TNRC6B: variants seen among roughly 807,000 people sequenced by gnomAD.
The protein encoded by TNRC6B is trinucleotide repeat-containing gene 6B protein.
A neutral mutation model predicts 203.6 loss-of-function variants in TNRC6B; 52 were observed. The observed-to-expected ratio is 0.26, with a 90% CI of 0.20 to 0.32. The LOEUF is 0.32. Ranked by LOEUF, TNRC6B falls within the 10% of genes least tolerant of loss-of-function variation. The probability of loss-of-function intolerance (pLI) is 1.00; values close to 1 mark genes in which losing one functional copy is unlikely to be tolerated. For missense variants in TNRC6B, 1,923 were observed against 2,286.2 expected (o/e 0.84, Z 3.24); for synonymous variants, 838 against 845.7 (o/e 0.99, Z 0.16).
At chr22:40,242,794 C>A (rs551779756) in intron 1 of TNRC6B, among the ~76,000 whole-genome samples, 5 of 152,090 alleles carry the variant, frequency 3.3e-5, no homozygotes, top group Non-Finnish European at 5.9e-5. Flanking sequence ...TCCATCACCA[C>A]CCCCATGGAC....
intron 1 of TNRC6B, among the ~76,000 whole-genome samples, chr22:40,234,793 G>A (rs867949550): frequency 2.0e-5 from 3 of 152,184 alleles, no homozygotes; most frequent in Middle Eastern, 6.8e-3. Flanking sequence ...ATGCCCTAGT[G>A]CTATTTGGCC....
intron 1 of TNRC6B, among the ~76,000 whole-genome samples, chr22:40,184,124 A>C (rs1803566361): frequency 6.6e-6 from 1 of 152,222 alleles, no homozygotes; most frequent in Non-Finnish European, 1.5e-5. Context: ...TTTTTAAAAA[A>C]CTTAGAAAAT....
At chr22:40,272,136 A>G (rs2070573431) in intron 6 of TNRC6B, among the ~76,000 whole-genome samples, 1 of 152,174 alleles carries the variant, frequency 6.6e-6, no homozygotes, top group African/African-American at 2.4e-5. Context: ...TAAATATGGT[A>G]TTATATAAAT....
At chr22:40,322,301 C>G (rs1161197480) in intron 22 of TNRC6B, among the ~76,000 whole-genome samples, 1 of 152,192 alleles carries the variant, frequency 6.6e-6, no homozygotes, top group Non-Finnish European at 1.5e-5. Flanking sequence ...GAATAGCCTC[C>G]ACTATTATCA....
At chr22:40,321,367 G>C (rs963284093) in intron 22 of TNRC6B, 138 bp downstream of exon 22, 1 of 976,924 alleles carries the variant, frequency 1.0e-6, no homozygotes. Context: ...TGCAAGTCTC[G>C]AGTGTGGAGA....
At chr22:40,245,279 CG>C (rs2070090389) in intron 1 of TNRC6B, among the ~76,000 whole-genome samples, 1 of 151,612 alleles carries the variant, frequency 6.6e-6, no homozygotes, top group Non-Finnish European at 1.5e-5. Context: ...TTAGTAGAGA[CG>C]GGGTTTCACT....
chr22:40,151,553 G>GA (rs1568999364), intron 3 of TNRC6B, among the ~76,000 whole-genome samples: 3 of 22,918 alleles, frequency 1.3e-4, no homozygotes, highest in African/African-American at 1.1e-3. Flanking sequence ...AAAAAAAAAA[G>GA]AAAAAAGAAA....
At chr22:40,224,462 T>C (rs1309569547) in intron 1 of TNRC6B, among the ~76,000 whole-genome samples, 1 of 152,188 alleles carries the variant, frequency 6.6e-6, no homozygotes, top group Admixed American at 6.5e-5. Context: ...TTGTAGGAGT[T>C]CTTTATGTAT....
rs2043988733 is a variant in TNRC6B, at chr22:40,332,128, G to C, written c.*8887G>C. 6.5e-6 allele frequency: 1 copy of C among 153,940 alleles called. No homozygotes were observed. The highest frequency in any genetic ancestry group is 1.4e-5 in the Non-Finnish European group (1 of 69,006). The allele number at this position is 153,940 out of a possible 1,614,324, so 9.5% of individuals were successfully genotyped here. On this transcript the variant is annotated 3_prime_UTR_variant, in exon 23 of 23. Coordinates refer to ENST00000454349, the MANE Select transcript of TNRC6B (RefSeq NM_001162501.2). ...AACCACGCTTCACTCGTGCTGACCT[G>C]AAAGTTAATCTTTAGGTCGATTTTG...
At chr22:40,127,032 AAT>A (rs2068499874) in intron 3 of TNRC6B, among the ~76,000 whole-genome samples, 1 of 148,918 alleles carries the variant, frequency 6.7e-6, no homozygotes, top group Non-Finnish European at 1.5e-5. Context: ...AATAAAAATA[AAT>A]ATATATTAAT....
chr22:40,247,432 T>C (rs1022957776), intron 2 of TNRC6B, among the ~76,000 whole-genome samples: 3 of 152,202 alleles, frequency 2.0e-5, no homozygotes, highest in Admixed American at 6.5e-5. Context: ...CATAACTCAA[T>C]TTTTTGAATT....
intron 8 of TNRC6B, among the ~76,000 whole-genome samples, 155 bp downstream of exon 8, chr22:40,277,306 CTTCTA>C (rs986043854): frequency 3.3e-5 from 5 of 152,104 alleles, no homozygotes; most frequent in Non-Finnish European, 7.4e-5. Context: ...TAATATTTCT[CTTCTA>C]TTCTTATTAA....
chr22:40,060,543 G>C (rs958719895), intron 1 of TNRC6B, among the ~76,000 whole-genome samples: 1 of 152,120 alleles, frequency 6.6e-6, no homozygotes, highest in South Asian at 2.1e-4. Context: ...TTGTACCAAA[G>C]AATAGACTTT....
rs565557791 is a variant in TNRC6B at position 40,103,095 on chromosome 22, A to T, written c.-120-13960A>T. Among the ~76,000 whole-genome samples, 140 of 150,640 alleles carry T rather than the reference A, an allele frequency of 9.3e-4. 1 individual carries two copies. The South Asian group carries it at 0.025, about 27-fold the overall frequency. ...TGTCTCAAAATAAATAAATAAAAAT[A>T]AATAAATAAATTAATTAATTAATTT... On this transcript the variant is annotated intron_variant, in intron 1 of 23. Coordinates refer to the TNRC6B transcript ENST00000301923.
chr22:40,224,459 A>T (rs1479325634), intron 1 of TNRC6B, among the ~76,000 whole-genome samples: 3 of 151,774 alleles, frequency 2.0e-5, no homozygotes, highest in Non-Finnish European at 4.4e-5. Context: ...GATTTGTAGG[A>T]GTTCTTTATG....
intron 1 of TNRC6B, among the ~76,000 whole-genome samples, chr22:40,076,416 G>A (rs1175069246): frequency 1.3e-5 from 2 of 152,180 alleles, no homozygotes; most frequent in Admixed American, 1.3e-4. Context: ...GTGGCAATTA[G>A]TTGTCTCAGC....
chr22:40,067,133 G>A (rs73418358), intron 1 of TNRC6B, among the ~76,000 whole-genome samples: 6,731 of 152,044 alleles, frequency 0.044, 482 homozygotes, highest in African/African-American at 0.15. Flanking sequence ...GTGGAAGCTT[G>A]TCACATCATG....
intron 4 of TNRC6B, among the ~76,000 whole-genome samples, chr22:40,167,533 A>G (rs1314022652): frequency 6.6e-6 from 1 of 152,108 alleles, no homozygotes; most frequent in African/African-American, 2.4e-5. Context: ...ACATAATGCT[A>G]CTGAACTATA....
chr22:40,173,908 A>G (rs2146371559), upstream of TNRC6B, among the ~76,000 whole-genome samples: 1 of 143,720 alleles, frequency 7.0e-6, no homozygotes, highest in South Asian at 2.2e-4. Flanking sequence ...GGTTCAAGTA[A>G]TTGTCCTGCC....
Sources: gnomAD v4.1 joint callset for allele counts (sites outside exome capture counted in the v4.1 genomes callset) on GRCh38, gnomAD v4.1.1 for gene constraint, MANE v1.5 for transcripts, NCBI Gene and HGNC (gene_info 2026-07-23, HGNC 2026-07-21) for gene names.